NOP14: variants seen among roughly 807,000 people sequenced by gnomAD.
The protein encoded by NOP14 is nucleolar protein 14.
NOP14 carries 57 observed loss-of-function variants against 101.6 expected under a neutral mutation model. The observed-to-expected ratio is 0.56, with a 90% CI of 0.45 to 0.70. The LOEUF (loss-of-function observed/expected upper bound fraction) is 0.70, where lower values mean the gene tolerates loss of function less well. Ranked by LOEUF, NOP14 falls within the 30% of genes least tolerant of loss-of-function variation. The pLI, the probability that NOP14 is intolerant of heterozygous loss-of-function variation, is 0.00. For synonymous variants in NOP14, 428 were observed against 424.0 expected, an observed-to-expected ratio of 1.01 and a Z score of -0.12; for missense variants, 1,134 against 1,075.5, an observed-to-expected ratio of 1.05 and a Z score of -0.76.
chr4:2,938,196 T>G lies in NOP14; in HGVS notation c.*635A>C. 1 of 1,288,122 alleles carries G rather than the reference T, an allele frequency of 7.8e-7. No individual in the cohort carries two copies. The highest frequency in any genetic ancestry group is 1.0e-6 in the Non-Finnish European group (1 of 988,206). The allele number at this position is 1,288,122 out of a possible 1,614,324, so 79.8% of individuals were successfully genotyped here. A position where few individuals can be genotyped will look rare whatever the true frequency, so the allele number is the denominator to read the frequency against. ...GGCAGCGGGTGGGGGGAGCTGGAGG[T>G]TGGAATCACACCAACATTATAGCAT... On this transcript the variant is annotated 3_prime_UTR_variant, in exon 18 of 18. Transcript: ENST00000416614.
intron 1 of NOP14, among the ~76,000 whole-genome samples, chr4:2,960,733 T>TATTAATATGTTAATATTATAATCAC (rs1715703899): frequency 8.1e-5 from 9 of 110,910 alleles, no homozygotes; most frequent in African/African-American, 1.1e-4. Context: ...ATCACATTAA[T>TATTAATATGTTAATATTATAATCAC]ATTAATATAT....
intron 9 of NOP14, 47 bp from the exon 10 acceptor site, chr4:2,947,658 G>C (rs1301033435): frequency 6.8e-7 from 1 of 1,472,086 alleles, no homozygotes; most frequent in South Asian, 1.1e-5. Flanking sequence ...TCAGCACCAA[G>C]AACAAAGCCA....
At chr4:2,942,428 G>A in intron 13 of NOP14, 77 bp from the exon 14 acceptor site, 2 of 1,452,732 alleles carry the variant, frequency 1.4e-6, no homozygotes, top group Non-Finnish European at 1.9e-6. Context: ...CACCGAGCCT[G>A]TGGAAGTTCA....
Position 2,959,377 on chromosome 4 carries a change from G to A in NOP14, c.196-1637C>T, listed in dbSNP as rs566318915. ...GGAGGCCAAGGCGGGCGGATCACGA[G>A]GTTAGAAGATCAAGACCATCCTGGG... is the stretch of plus-strand genomic sequence containing the variant. On this transcript the variant is annotated intron_variant, in intron 1 of 17. Transcript: ENST00000416614. Among the ~76,000 whole-genome samples, 15 of 152,230 alleles carry A rather than the reference G, an allele frequency of 9.9e-5. No individual in the cohort carries two copies. In the East Asian group the frequency reaches 2.3e-3, roughly 24 times the overall value.
chr4:2,951,669 C>T (rs933526927), intron 6 of NOP14, among the ~76,000 whole-genome samples: 1 of 152,164 alleles, frequency 6.6e-6, no homozygotes, highest in Non-Finnish European at 1.5e-5. Flanking sequence ...TATGTCAAAA[C>T]AGCCAGCTGA....
At chr4:2,943,744 T>A (rs547453021) in intron 13 of NOP14, among the ~76,000 whole-genome samples, 3 of 152,386 alleles carry the variant, frequency 2.0e-5, no homozygotes, top group Non-Finnish European at 4.4e-5. Context: ...AATATTATGA[T>A]TTTAACACAT....
Position 2,938,591 on chromosome 4 carries a change from C to T in NOP14, c.*240G>A. 1 of 525,734 alleles carries T rather than the reference C, an allele frequency of 1.9e-6. No homozygotes were observed. Among genetic ancestry groups the T allele is most frequent in the East Asian group, 3.5e-5 (1 of 28,880 alleles). The allele number at this position is 525,734 out of a possible 1,614,324, so 32.6% of individuals were successfully genotyped here. A position where few individuals can be genotyped will look rare whatever the true frequency, so the allele number is the denominator to read the frequency against. ...TGGCTCAATCACGGCTCACTGTAAC[C>T]TTGGACTCAGCTCAAGCAGTCCTCC... On this transcript the variant is annotated 3_prime_UTR_variant, in exon 18 of 18. Transcript: ENST00000416614.
intron 5 of NOP14, among the ~76,000 whole-genome samples, chr4:2,952,988 G>A (rs189370462): frequency 4.5e-4 from 68 of 152,280 alleles, no homozygotes; most frequent in African/African-American, 1.6e-3. Flanking sequence ...CCCTAAACGT[G>A]GGAAACTAAG....
rs369723482 is a variant in NOP14 at position 2,960,688 on chromosome 4, T to C, written c.195+2437A>G. ...TATTATATTAATATTATATTAATAT[T>C]ATAATCACATTAATATTAATATATT... On this transcript the variant is annotated intron_variant, in intron 1 of 17. Transcript: ENST00000416614. Among the ~76,000 whole-genome samples, 373 of 124,706 alleles carry C rather than the reference T, an allele frequency of 3.0e-3. 12 individuals are homozygous for C. The highest frequency in any genetic ancestry group is 4.6e-3 in the Non-Finnish European group (272 of 58,628). 81.8% of individuals were successfully genotyped at this position (124,706 alleles called of 152,430 possible). A position where few individuals can be genotyped will look rare whatever the true frequency, so the allele number is the denominator to read the frequency against.
intron 1 of NOP14, chr4:2,961,400 G>A (rs1423229151): frequency 1.7e-5 from 2 of 119,420 alleles, no homozygotes; most frequent in Non-Finnish European, 3.7e-5. Flanking sequence ...CCTGAGACTG[G>A]CACCTGGGGG....
At chr4:2,956,127 G>A (rs3021148) in intron 3 of NOP14, among the ~76,000 whole-genome samples, 6,249 of 152,282 alleles carry the variant, frequency 0.041, 180 homozygotes, top group African/African-American at 0.076. Context: ...ATTATTTAAG[G>A]CCAAAATTTA....
chr4:2,961,690 C>T (rs1715934363), intron 1 of NOP14: 1 of 152,314 alleles, frequency 6.6e-6, no homozygotes, highest in Non-Finnish European at 1.5e-5. Context: ...GAACAGCTCA[C>T]TCCCCTTGCA....
In NOP14 at chr4:2,960,833, TTAA is replaced by T. The variant is rs1169587717; in HGVS notation, c.195+2289_195+2291del. Reference sequence around the variant, plus strand: ...ATATTATAATCACATTATCAATATATTAATATTATAATCACATTATCAATATAT... The same window carrying T: ...ATATTATAATCACATTATCAATATATTATTATAATCACATTATCAATATAT... On this transcript the variant is annotated intron_variant, in intron 1 of 17. Transcript: ENST00000416614. 4.8e-5 allele frequency among the ~76,000 whole-genome samples: 6 copies of T among 126,032 alleles called. 1 individual carries two copies. Among genetic ancestry groups the T allele is most frequent in the African/African-American group, 6.5e-5 (2 of 30,850 alleles). The allele number at this position is 126,032 out of a possible 152,430, so 82.7% of individuals were successfully genotyped here.
intron 1 of NOP14, 53 bp from the exon 2 acceptor site, chr4:2,957,793 C>T: frequency 1.3e-6 from 2 of 1,584,148 alleles, no homozygotes; most frequent in South Asian, 2.3e-5. Context: ...ATTTCCACTA[C>T]AGGGGACATC....
At chr4:2,962,233 G>T (rs1716049206) in intron 1 of NOP14, among the ~76,000 whole-genome samples, 1 of 152,222 alleles carries the variant, frequency 6.6e-6, no homozygotes, top group Admixed American at 6.5e-5. Context: ...CTTCAGTGGT[G>T]AAGACAAATG....
chr4:2,939,698 G>A, intron 15 of NOP14, 53 bp from the exon 16 acceptor site: 2 of 1,338,428 alleles, frequency 1.5e-6, no homozygotes, highest in Non-Finnish European at 2.2e-6. Flanking sequence ...TGCGTGCCCT[G>A]AGCTCCACGC....
chr4:2,946,552 T>G lies in NOP14; in HGVS notation c.1500-5A>C. 2 of 1,614,032 alleles carry G rather than the reference T, an allele frequency of 1.2e-6. No homozygotes were observed. The highest frequency in any genetic ancestry group is 1.7e-6 in the Non-Finnish European group (2 of 1,179,918). Reference sequence around the variant, plus strand: ...TGGCAAAGATGATATAAGTGCCTGTTAAGCAGAAATGTAAAGTCAGGAGAG... The same window carrying G: ...TGGCAAAGATGATATAAGTGCCTGTGAAGCAGAAATGTAAAGTCAGGAGAG... On this transcript the variant is annotated splice_region_variant and splice_polypyrimidine_tract_variant and intron_variant, in intron 10 of 17. Coordinates refer to ENST00000416614, the MANE Select transcript of NOP14 (RefSeq NM_001291978.2).
chr4:2,956,588 T>C (rs187094335), intron 3 of NOP14, 82 bp downstream of exon 3: 1 of 1,358,842 alleles, frequency 7.4e-7, no homozygotes, highest in African/African-American at 1.5e-5. Context: ...CTCTAGTCTC[T>C]AAGAAGAGCA....
At chr4:2,945,814 C>T (rs1577830194) in intron 11 of NOP14, among the ~76,000 whole-genome samples, 1 of 152,220 alleles carries the variant, frequency 6.6e-6, no homozygotes, top group Non-Finnish European at 1.5e-5. Flanking sequence ...AAATACAGCA[C>T]CATTCACGTG....
Sources: allele counts gnomAD v4.1 joint callset (sites outside exome capture counted in the v4.1 genomes callset), GRCh38; gene constraint gnomAD v4.1.1; transcripts MANE v1.5; gene names NCBI Gene and HGNC (gene_info 2026-07-23, HGNC 2026-07-21).